IQSEC1: variants seen among roughly 807,000 people sequenced by gnomAD.
The protein encoded by IQSEC1 is IQ motif and SEC7 domain-containing protein 1.
Under a neutral mutation model 91.0 loss-of-function variants are expected in IQSEC1, and 31 were observed. That is an observed-to-expected ratio of 0.34 (90% CI 0.26 to 0.46). The LOEUF (loss-of-function observed/expected upper bound fraction) is 0.46. Ranked by LOEUF, IQSEC1 falls within the 20% of genes least tolerant of loss-of-function variation. The probability of loss-of-function intolerance (pLI) is 1.00; values close to 1 mark genes in which losing one functional copy is unlikely to be tolerated. For synonymous variants in IQSEC1, 699 were observed against 662.6 expected, an observed-to-expected ratio of 1.05 and a Z score of -0.84; for missense variants, 1,388 against 1,575.6, an observed-to-expected ratio of 0.88 and a Z score of 2.02.
intron 1 of IQSEC1, among the ~76,000 whole-genome samples, chr3:13,269,772 C>T (rs1344953382): frequency 6.6e-6 from 1 of 152,232 alleles, no homozygotes; most frequent in Non-Finnish European, 1.5e-5. Flanking sequence ...AGTGACAGAG[C>T]CCAGTCTGAG....
chr3:12,899,485 G>A lies in IQSEC1; in HGVS notation c.*1498C>T, dbSNP rs750296320. 6.3e-6 allele frequency: 10 copies of A among 1,590,836 alleles called. No homozygotes were observed. The Admixed American group carries it at 1.4e-4, about 23-fold the overall frequency. On this transcript the variant is annotated 3_prime_UTR_variant, in exon 14 of 14. Coordinates refer to ENST00000613206, the MANE Select transcript of IQSEC1 (RefSeq NM_001134382.3). ...TCGGGCACAGACCTGCCGCGTGCAGGTCTGGCCCTGGGGAGCGCATGGTGT... is the reference window on the plus strand; with the variant it reads ...TCGGGCACAGACCTGCCGCGTGCAGATCTGGCCCTGGGGAGCGCATGGTGT...
chr3:13,030,765 AC>A (rs1703813400), intron 1 of IQSEC1, among the ~76,000 whole-genome samples: 1 of 152,200 alleles, frequency 6.6e-6, no homozygotes, highest in African/African-American at 2.4e-5. Flanking sequence ...ATTTTTGGAG[AC>A]CCTTTGGGAG....
intron 1 of IQSEC1, among the ~76,000 whole-genome samples, chr3:13,232,224 C>A (rs1199972942): frequency 1.3e-5 from 2 of 152,238 alleles, no homozygotes; most frequent in Non-Finnish European, 2.9e-5. Flanking sequence ...CCTGCACTAG[C>A]CACTCAGCCC....
intron 1 of IQSEC1, among the ~76,000 whole-genome samples, chr3:13,242,297 G>A (rs1695033947): frequency 6.6e-6 from 1 of 152,190 alleles, no homozygotes; most frequent in Non-Finnish European, 1.5e-5. Context: ...GAATATCAGT[G>A]ACAGCTGTCA....
intron 1 of IQSEC1, among the ~76,000 whole-genome samples, chr3:12,980,796 G>C (rs755684412): frequency 1.3e-5 from 2 of 152,148 alleles, no homozygotes; most frequent in African/African-American, 4.8e-5. Flanking sequence ...GACCTGGTGA[G>C]CCTCTCACTG....
In IQSEC1 at chr3:12,899,715, GA is replaced by G. The variant is rs773146545; in HGVS notation, c.*1267del. 2.4e-3 allele frequency: 2,350 copies of G among 985,374 alleles called. 4 individuals are homozygous for G. Among genetic ancestry groups the G allele is most frequent in the Middle Eastern group, 0.013 (25 of 1,914 alleles). 61.0% of individuals were successfully genotyped at this position (985,374 alleles called of 1,614,324 possible). On this transcript the variant is annotated 3_prime_UTR_variant, in exon 14 of 14. Coordinates refer to ENST00000613206, the MANE Select transcript of IQSEC1 (RefSeq NM_001134382.3). Reference sequence around the variant, plus strand: ...TGCTACCACTCAGAAAACAAAACGGGAAACACACACACCGCCCTGGGTTGCT... The same window carrying G: ...TGCTACCACTCAGAAAACAAAACGGGAACACACACACCGCCCTGGGTTGCT...
intron 2 of IQSEC1, among the ~76,000 whole-genome samples, chr3:13,085,081 G>A (rs1397377794): frequency 6.6e-6 from 1 of 152,146 alleles, no homozygotes; most frequent in African/African-American, 2.4e-5. Flanking sequence ...AGAGGAACAG[G>A]GAAGAGTGCT....
intron 3 of IQSEC1, among the ~76,000 whole-genome samples, chr3:12,928,978 C>T (rs1697402339): frequency 6.6e-6 from 1 of 152,138 alleles, no homozygotes; most frequent in Non-Finnish European, 1.5e-5. Context: ...TATGCTAGCA[C>T]AGTTATGGTC....
chr3:13,073,825 C>T (rs1705515132), upstream of IQSEC1, among the ~76,000 whole-genome samples: 1 of 152,238 alleles, frequency 6.6e-6, no homozygotes, highest in Non-Finnish European at 1.5e-5. Context: ...TGGCAAGCCG[C>T]GTCTCTCCTG....
chr3:13,264,696 A>C (rs1695453402), intron 1 of IQSEC1, among the ~76,000 whole-genome samples: 2 of 151,732 alleles, frequency 1.3e-5, no homozygotes, highest in African/African-American at 4.8e-5. Flanking sequence ...ATCAATCACT[A>C]ATTCAACAAG....
intron 1 of IQSEC1, among the ~76,000 whole-genome samples, chr3:13,250,947 C>T (rs1189143450): frequency 1.3e-5 from 2 of 152,232 alleles, no homozygotes. Context: ...GTCCCCATCG[C>T]TCCTCCTCTG....
Position 13,143,816 on chromosome 3 carries a change from C to G in IQSEC1, c.302+20288G>C, listed in dbSNP as rs186672119. Among the ~76,000 whole-genome samples, 263 of 152,306 alleles carry G rather than the reference C, an allele frequency of 1.7e-3. 1 individual carries two copies. The South Asian group carries it at 0.018, about 10-fold the overall frequency. On this transcript the variant is annotated intron_variant, in intron 2 of 15. Coordinates refer to the IQSEC1 transcript ENST00000648114. ...CAGGGAGGGGTTGGGAAAGGAAAGT[C>G]CAGGTGACATCACTGAACACCCAGA... is the stretch of plus-strand genomic sequence containing the variant.
At position 13,201,000 on chromosome 3, in the gene IQSEC1, G is replaced by A. The variant is rs960798297; in HGVS notation, c.273-36867C>T. 2.0e-5 allele frequency among the ~76,000 whole-genome samples: 3 copies of A among 152,194 alleles called. No individual in the cohort carries two copies. In the South Asian group the frequency reaches 6.2e-4, roughly 31 times the overall value. On this transcript the variant is annotated intron_variant, in intron 1 of 15. Transcript: ENST00000648114. ...AGCCAAGACCCCATTCCTAGTCCCT[G>A]AGCCCTGCCTCACTGCACAGCTTCA...
rs1456461812 is a variant in IQSEC1 at position 13,154,442 on chromosome 3, T to C, written c.302+9662A>G. The stretch of plus-strand genomic sequence containing the variant: ...CAGGAAGCTGGAACTTACATGCATA[T>C]ATATATATATATATATATATATATA... On this transcript the variant is annotated intron_variant, in intron 2 of 15. Transcript: ENST00000648114. Among the ~76,000 whole-genome samples, 230 of 82,092 alleles carry C rather than the reference T, an allele frequency of 2.8e-3. 34 individuals carry two copies. The highest frequency in any genetic ancestry group is 0.021 in the South Asian group (45 of 2,094). 53.9% of individuals were successfully genotyped at this position (82,092 alleles called of 152,430 possible). A position where few individuals can be genotyped will look rare whatever the true frequency, so the allele number is the denominator to read the frequency against.
chr3:13,195,750 C>T (rs1182495471), intron 1 of IQSEC1, among the ~76,000 whole-genome samples: 2 of 152,154 alleles, frequency 1.3e-5, no homozygotes, highest in Non-Finnish European at 2.9e-5. Context: ...GGTCCTGAAA[C>T]CGTTCTGCAT....
intron 2 of IQSEC1, among the ~76,000 whole-genome samples, chr3:13,096,281 G>C (rs572670049): frequency 6.6e-6 from 1 of 152,358 alleles, no homozygotes; most frequent in African/African-American, 2.4e-5. Context: ...CTCTTGGGGA[G>C]CTCACAGTCT....
chr3:13,064,973 C>T (rs537237237), intron 1 of IQSEC1, among the ~76,000 whole-genome samples: 90 of 152,334 alleles, frequency 5.9e-4, no homozygotes, highest in African/African-American at 1.9e-3. Context: ...GAAGGCTTGA[C>T]GCATAGGCTT....
intron 12 of IQSEC1, among the ~76,000 whole-genome samples, chr3:12,903,632 TGCGTAGGGCCCAG>T (rs2125017286): frequency 6.6e-6 from 1 of 152,276 alleles, no homozygotes; most frequent in East Asian, 1.9e-4. Context: ...TGGCTCTGGG[TGCGTAGGGCCCAG>T]GCCCGGCCTG....
chr3:13,091,838 C>T (rs1435205077), intron 2 of IQSEC1, among the ~76,000 whole-genome samples: 9 of 152,018 alleles, frequency 5.9e-5, no homozygotes, highest in Admixed American at 4.6e-4. Context: ...CAGGGGTTTT[C>T]CTAGGAAAGC....
Sources: gnomAD v4.1 joint callset for allele counts (sites outside exome capture counted in the v4.1 genomes callset) on GRCh38, gnomAD v4.1.1 for gene constraint, MANE v1.5 for transcripts, NCBI Gene and HGNC (gene_info 2026-07-23, HGNC 2026-07-21) for gene names.